Variants in OXR1 observed in about 807,000 individuals in gnomAD.
The protein encoded by OXR1 is oxidation resistance 1.
A neutral mutation model predicts 104.6 loss-of-function variants in OXR1; 41 were observed. The ratio of observed to expected loss-of-function variants is 0.39; its 90% CI spans 0.31 to 0.51. The LOEUF (loss-of-function observed/expected upper bound fraction) is 0.51. Ranked by LOEUF, OXR1 falls within the 20% of genes least tolerant of loss-of-function variation. OXR1 has a pLI of 0.77. For missense variants in OXR1, 955 were observed against 1,031.9 expected (o/e 0.93, Z 1.02); for synonymous variants, 348 against 348.4 (o/e 1.00, Z 0.01).
intron 3 of OXR1, among the ~76,000 whole-genome samples, chr8:106,558,692 C>A (rs1816461679): frequency 6.6e-6 from 1 of 152,156 alleles, no homozygotes; most frequent in Non-Finnish European, 1.5e-5. Context: ...TTATTAGGAA[C>A]AACCTTATTG....
intron 2 of OXR1, among the ~76,000 whole-genome samples, chr8:106,378,846 C>T (rs921916014): frequency 1.3e-5 from 2 of 152,138 alleles, no homozygotes; most frequent in African/African-American, 2.4e-5. Flanking sequence ...AATTCTGCTC[C>T]TGCTACCACT....
At chr8:106,646,355 A>C (rs1824083420) in intron 3 of OXR1, among the ~76,000 whole-genome samples, 1 of 151,858 alleles carries the variant, frequency 6.6e-6, no homozygotes, top group African/African-American at 2.4e-5. Flanking sequence ...TGATCTGCTC[A>C]CCTCAGATTC....
intron 2 of OXR1, among the ~76,000 whole-genome samples, chr8:106,452,363 A>T (rs963056350): frequency 2.6e-5 from 4 of 152,304 alleles, no homozygotes; most frequent in Middle Eastern, 6.8e-3. Context: ...GTTTGTTAAA[A>T]TAACCATTAA....
intron 2 of OXR1, among the ~76,000 whole-genome samples, chr8:106,427,368 C>A (rs548380306): frequency 6.2e-4 from 94 of 152,162 alleles, no homozygotes; most frequent in Middle Eastern, 6.8e-3. Flanking sequence ...AGGGTTTCAT[C>A]ATGTTAGCCA....
At chr8:106,274,960 G>A (rs1811975895) in intron 1 of OXR1, among the ~76,000 whole-genome samples, 1 of 152,220 alleles carries the variant, frequency 6.6e-6, no homozygotes, top group Admixed American at 6.5e-5. Context: ...AATTCAATAA[G>A]CATTTGTAAA....
At chr8:106,661,204 A>C (rs979699596) in intron 3 of OXR1, among the ~76,000 whole-genome samples, 1 of 152,062 alleles carries the variant, frequency 6.6e-6, no homozygotes, top group Admixed American at 6.6e-5. Flanking sequence ...ACCAAAAAAA[A>C]CTTTGGTCAA....
intron 3 of OXR1, among the ~76,000 whole-genome samples, chr8:106,650,805 TGTG>T (rs964583668): frequency 2.6e-5 from 4 of 152,238 alleles, no homozygotes; most frequent in Non-Finnish European, 5.9e-5. Flanking sequence ...GCATACGACA[TGTG>T]GTGTTCTATA....
chr8:106,511,734 C>T (rs1812545051), intron 2 of OXR1, among the ~76,000 whole-genome samples: 1 of 152,082 alleles, frequency 6.6e-6, no homozygotes, highest in African/African-American at 2.4e-5. Context: ...GCATGAATAC[C>T]ATTATTGTAG....
chr8:106,500,298 C>T (rs1453191683), intron 2 of OXR1, among the ~76,000 whole-genome samples: 1 of 152,208 alleles, frequency 6.6e-6, no homozygotes, highest in East Asian at 1.9e-4. Flanking sequence ...AGGCCCGAAA[C>T]CAGGCCTGGG....
At chr8:106,635,605 C>T (rs1218562046) in intron 3 of OXR1, among the ~76,000 whole-genome samples, 1 of 152,002 alleles carries the variant, frequency 6.6e-6, no homozygotes, top group Non-Finnish European at 1.5e-5. Flanking sequence ...CCACCACACC[C>T]AGCTAATTTT....
chr8:106,507,728 G>A lies in OXR1; in HGVS notation c.24-11215G>A, dbSNP rs575843387. 2.3e-3 allele frequency among the ~76,000 whole-genome samples: 355 copies of A among 152,320 alleles called. 1 individual carries two copies. Among genetic ancestry groups the A allele is most frequent in the Non-Finnish European group, 3.6e-3 (242 of 68,014 alleles). On this transcript the variant is annotated intron_variant, in intron 2 of 16. Coordinates refer to ENST00000517566, the MANE Select transcript of OXR1 (RefSeq NM_001198533.2). ...TGGCAGGAATAAGTGAGCAGGGAGC[G>A]AGTGAACAGGATAAGAGAGATCACT...
chr8:106,340,143 A>G (rs566266884), intron 1 of OXR1, among the ~76,000 whole-genome samples: 1 of 151,982 alleles, frequency 6.6e-6, no homozygotes, highest in South Asian at 2.1e-4. Flanking sequence ...CCTTTTAACC[A>G]TAACTCCGGT....
intron 1 of OXR1, among the ~76,000 whole-genome samples, chr8:106,332,527 G>A (rs551121064): frequency 5.3e-5 from 8 of 152,234 alleles, no homozygotes; most frequent in Admixed American, 1.3e-4. Context: ...CCTTATATCG[G>A]AGACCCAGTC....
intron 11 of OXR1, 102 bp downstream of exon 11, chr8:106,714,087 A>AT: frequency 1.1e-6 from 1 of 870,374 alleles, no homozygotes; most frequent in Non-Finnish European, 1.7e-6. Flanking sequence ...CAAAAGAGGA[A>AT]TTTTTTTAAA....
intron 11 of OXR1, among the ~76,000 whole-genome samples, chr8:106,730,052 T>A (rs1833735207): frequency 6.6e-6 from 1 of 152,060 alleles, no homozygotes; most frequent in Non-Finnish European, 1.5e-5. Flanking sequence ...TGTTTTATTA[T>A]CCCCCTAACT....
chr8:106,680,573 G>C (rs1205398351), intron 4 of OXR1, among the ~76,000 whole-genome samples: 1 of 152,010 alleles, frequency 6.6e-6, no homozygotes, highest in East Asian at 1.9e-4. Context: ...TGTTGACCTT[G>C]CTATTATTTT....
chr8:106,498,249 CA>C (rs1811544834), intron 2 of OXR1, among the ~76,000 whole-genome samples: 1 of 152,132 alleles, frequency 6.6e-6, no homozygotes, highest in South Asian at 2.1e-4. Flanking sequence ...TAACACCAAA[CA>C]TTTTTCTCAA....
chr8:106,278,306 AAGTC>A (rs1812142343), intron 1 of OXR1, among the ~76,000 whole-genome samples: 1 of 152,184 alleles, frequency 6.6e-6, no homozygotes, highest in African/African-American at 2.4e-5. Context: ...TTTCTGATAA[AAGTC>A]AGGAGCTGTC....
rs368959562 is a variant in OXR1, at chr8:106,489,119, C to A, written c.24-29824C>A. Among the ~76,000 whole-genome samples the A allele has an allele frequency of 2.5e-3, 380 of 150,044 alleles. 6 individuals are homozygous for A. The highest frequency in any genetic ancestry group is 0.025 in the East Asian group (126 of 5,058). ...TTTCCTTGAGCAGTGGTTTGTAGTT[C>A]TCCTTGAAGAGGTCCTTCACATCCC... On this transcript the variant is annotated intron_variant, in intron 2 of 16. Transcript: ENST00000517566.
Sources: gnomAD v4.1 joint callset for allele counts (sites outside exome capture counted in the v4.1 genomes callset) on GRCh38, gnomAD v4.1.1 for gene constraint, MANE v1.5 for transcripts, NCBI Gene and HGNC (gene_info 2026-07-23, HGNC 2026-07-21) for gene names.